SHROOM3: variants seen among roughly 807,000 people sequenced by gnomAD.
SHROOM3 encodes protein Shroom3.
A neutral mutation model predicts 138.6 loss-of-function variants in SHROOM3; 47 were observed. The observed-to-expected ratio is 0.34, with a 90% CI of 0.27 to 0.43. The LOEUF (loss-of-function observed/expected upper bound fraction) is 0.43, where lower values mean the gene tolerates loss of function less well. SHROOM3 is among the 20% of genes least tolerant of loss of function. The pLI, the probability that SHROOM3 is intolerant of heterozygous loss-of-function variation, is 1.00. For synonymous variants in SHROOM3, 1,062 were observed against 1,063.3 expected (o/e 1.00, Z 0.02); for missense variants, 2,491 against 2,596.5 (o/e 0.96, Z 0.88).
intron 2 of SHROOM3, among the ~76,000 whole-genome samples, chr4:76,613,109 A>G (rs530578629): frequency 7.9e-4 from 120 of 152,318 alleles, no homozygotes; most frequent in African/African-American, 2.7e-3. Context: ...AATTCCCAGC[A>G]TAACGAGTTG....
chr4:76,774,933 T>C (rs1317035787), intron 10 of SHROOM3, among the ~76,000 whole-genome samples: 2 of 152,008 alleles, frequency 1.3e-5, no homozygotes, highest in African/African-American at 2.4e-5. Flanking sequence ...TCTTGATTGA[T>C]TTTCATTTTA....
chr4:76,756,418 T>TCTCTC (rs769241594), intron 7 of SHROOM3, 31 bp from the exon 8 acceptor site: 2,681 of 419,828 alleles, frequency 6.4e-3, no homozygotes, highest in Non-Finnish European at 7.7e-3. Flanking sequence ...TCTCTCTCTC[T>TCTCTC]TTTTTTTTTT....
intron 3 of SHROOM3, among the ~76,000 whole-genome samples, chr4:76,717,327 G>C (rs1464911158): frequency 6.6e-6 from 1 of 152,092 alleles, no homozygotes; most frequent in East Asian, 1.9e-4. Context: ...TAGTTTTTCT[G>C]GTATTTATCT....
chr4:76,466,935 G>C (rs897716378), intron 1 of SHROOM3, among the ~76,000 whole-genome samples: 2 of 152,082 alleles, frequency 1.3e-5, no homozygotes, highest in African/African-American at 4.8e-5. Context: ...CTTCTCTGCT[G>C]GGGGAGTAAG....
chr4:76,626,954 G>A (rs1017898079), intron 2 of SHROOM3, among the ~76,000 whole-genome samples: 5 of 152,104 alleles, frequency 3.3e-5, no homozygotes, highest in African/African-American at 4.8e-5. Flanking sequence ...TTGAATTCAC[G>A]CCCACAGACA....
intron 2 of SHROOM3, among the ~76,000 whole-genome samples, chr4:76,572,912 C>T (rs1733860580): frequency 6.6e-6 from 1 of 151,966 alleles, no homozygotes; most frequent in Non-Finnish European, 1.5e-5. Flanking sequence ...TAAACCCTGT[C>T]TCTACTAAAA....
At position 76,721,040 on chromosome 4, in the gene SHROOM3, C is replaced by T. The variant is rs138359885; in HGVS notation, c.456-9764C>T. ...GTGCATTTACCCTTTGAGCCAGCAA[C>T]TCCACTTTTAAGAATTTCTCCAGCA... On this transcript the variant is annotated intron_variant, in intron 3 of 10. Coordinates refer to ENST00000296043, the MANE Select transcript of SHROOM3 (RefSeq NM_020859.4). Among the ~76,000 whole-genome samples, 685 of 152,134 alleles carry T rather than the reference C, an allele frequency of 4.5e-3. 13 individuals are homozygous for T. Among genetic ancestry groups the T allele is most frequent in the African/African-American group, 0.016 (656 of 41,522 alleles).
At chr4:76,552,078 G>C (rs563010022) in intron 1 of SHROOM3, among the ~76,000 whole-genome samples, 2 of 148,992 alleles carry the variant, frequency 1.3e-5, no homozygotes, top group East Asian at 2.0e-4. Flanking sequence ...AGCCAGGATG[G>C]ACTCGATCTC....
At chr4:76,710,992 C>T (rs753178697) in intron 3 of SHROOM3, among the ~76,000 whole-genome samples, 15 of 152,204 alleles carry the variant, frequency 9.9e-5, no homozygotes, top group Non-Finnish European at 7.4e-5. Flanking sequence ...TAGGATTCAA[C>T]GAGATACGGT....
intron 2 of SHROOM3, among the ~76,000 whole-genome samples, chr4:76,692,195 C>T (rs573645745): frequency 6.6e-6 from 1 of 152,198 alleles, no homozygotes; most frequent in Non-Finnish European, 1.5e-5. Context: ...GCAATGCCTC[C>T]ATTTCACAGC....
intron 8 of SHROOM3, among the ~76,000 whole-genome samples, chr4:76,759,208 G>A (rs1721917223): frequency 6.6e-6 from 1 of 152,210 alleles, no homozygotes; most frequent in Non-Finnish European, 1.5e-5. Flanking sequence ...GTTCCACACT[G>A]CCTTTCTCTG....
intron 1 of SHROOM3, among the ~76,000 whole-genome samples, chr4:76,442,809 C>T (rs912042242): frequency 3.9e-5 from 6 of 152,102 alleles, no homozygotes; most frequent in African/African-American, 1.4e-4. Context: ...CTCTCTCTCC[C>T]CTTCCCTTCT....
chr4:76,435,852 T>G lies in SHROOM3; in HGVS notation c.-201T>G. On this transcript the variant is annotated 5_prime_UTR_variant, in exon 1 of 11. The change abolishes the stop of an existing upstream ORF in the 5' untranslated region. Coordinates refer to ENST00000296043, the MANE Select transcript of SHROOM3 (RefSeq NM_020859.4). ...GAGGAGGATTTACATTCAGAAATGT[T>G]GAAGTGAAAATTCCTTCTGGTTCAG... 1 of 544,506 alleles carries G rather than the reference T, an allele frequency of 1.8e-6. No homozygotes were observed. The highest frequency in any genetic ancestry group is 3.0e-5 in the East Asian group (1 of 33,484). 33.7% of individuals were successfully genotyped at this position (544,506 alleles called of 1,614,324 possible).
chr4:76,503,259 C>T lies in SHROOM3; in HGVS notation c.169-52350C>T, dbSNP rs556830807. Among the ~76,000 whole-genome samples, 19 of 151,122 alleles carry T rather than the reference C, an allele frequency of 1.3e-4. 1 individual carries two copies. The highest frequency in any genetic ancestry group is 4.1e-4 in the African/African-American group (17 of 41,140). On this transcript the variant is annotated intron_variant, in intron 1 of 10. Coordinates refer to ENST00000296043, the MANE Select transcript of SHROOM3 (RefSeq NM_020859.4). ...AATTCATAGAAAATTAACATCTAAA[C>T]ATTTCAATTCATGAACGTTATGTTT...
intron 2 of SHROOM3, among the ~76,000 whole-genome samples, chr4:76,569,247 CAG>C (rs1491256100): frequency 3.3e-5 from 5 of 152,034 alleles, no homozygotes; most frequent in Non-Finnish European, 7.4e-5. Flanking sequence ...TCCAATTTGT[CAG>C]GGGGGGAAAT....
At chr4:76,542,997 A>C (rs991336443) in intron 1 of SHROOM3, among the ~76,000 whole-genome samples, 4 of 152,180 alleles carry the variant, frequency 2.6e-5, no homozygotes, top group Non-Finnish European at 2.9e-5. Flanking sequence ...GGAATGGCAG[A>C]CATTCTGTCC....
At chr4:76,721,622 C>T (rs1720555430) in intron 3 of SHROOM3, among the ~76,000 whole-genome samples, 1 of 152,136 alleles carries the variant, frequency 6.6e-6, no homozygotes, top group South Asian at 2.1e-4. Flanking sequence ...GCAATTCTAC[C>T]ACCTCAGACT....
At chr4:76,762,369 T>C (rs1722014258) in intron 9 of SHROOM3, among the ~76,000 whole-genome samples, 1 of 152,224 alleles carries the variant, frequency 6.6e-6, no homozygotes, top group East Asian at 1.9e-4. Flanking sequence ...GAAGGTGCCT[T>C]ATTGCCAACA....
chr4:76,775,146 C>A (rs1158548502), intron 10 of SHROOM3, among the ~76,000 whole-genome samples: 1 of 152,118 alleles, frequency 6.6e-6, no homozygotes. Context: ...TCCTTTGTAT[C>A]CTTCTTATGC....
Sources: gnomAD v4.1 joint callset for allele counts (sites outside exome capture counted in the v4.1 genomes callset) on GRCh38, gnomAD v4.1.1 for gene constraint, MANE v1.5 for transcripts, NCBI Gene and HGNC (gene_info 2026-07-23, HGNC 2026-07-21) for gene names.